Variants in VWA5B1 observed in about 807,000 individuals in gnomAD.
VWA5B1 encodes the protein von Willebrand factor A domain-containing protein 5B1.
A neutral mutation model predicts 118.2 loss-of-function variants in VWA5B1; 115 were observed. The ratio of observed to expected loss-of-function variants is 0.97; its 90% CI spans 0.84 to 1.14. VWA5B1 has a LOEUF of 1.14. VWA5B1 is among the 50% of genes most tolerant of loss of function. VWA5B1 has a pLI of 0.00. For missense variants in VWA5B1, 1,596 were observed against 1,603.8 expected (o/e 1.00, Z 0.08); for synonymous variants, 682 against 658.4 (o/e 1.04, Z -0.55).
At chr1:20,349,453 G>A (rs1043182239) in intron 18 of VWA5B1, among the ~76,000 whole-genome samples, 7 of 151,686 alleles carry the variant, frequency 4.6e-5, no homozygotes, top group Non-Finnish European at 2.9e-5. Flanking sequence ...GCACGATCTC[G>A]GCTCACTGCA....
At chr1:20,346,293 A>T (rs2090006507) in intron 17 of VWA5B1, among the ~76,000 whole-genome samples, 1 of 152,200 alleles carries the variant, frequency 6.6e-6, no homozygotes, top group African/African-American at 2.4e-5. Flanking sequence ...GAAGGAGCTG[A>T]GTTACTTTCC....
chr1:20,310,557 C>A lies in VWA5B1; in HGVS notation c.-26-19C>A. The A allele has an allele frequency of 6.8e-7, 1 of 1,471,558 alleles. No individual in the cohort carries two copies. Among genetic ancestry groups the A allele is most frequent in the Non-Finnish European group, 9.0e-7 (1 of 1,109,032 alleles). 91.2% of individuals were successfully genotyped at this position (1,471,558 alleles called of 1,614,324 possible). On this transcript the variant is annotated intron_variant, in intron 1 of 21. Coordinates refer to ENST00000289815, the MANE Select transcript of VWA5B1 (RefSeq NM_001039500.3). ...TGGGGGAGCCTCTTCCCACTTCCTGCCCTTCCTGTGTCTCACAGGTTCTGA... is the reference window on the plus strand; with the variant it reads ...TGGGGGAGCCTCTTCCCACTTCCTGACCTTCCTGTGTCTCACAGGTTCTGA...
Position 20,348,240 on chromosome 1 carries a change from C to T in VWA5B1, c.2765-5C>T, listed in dbSNP as rs1320945209. ...ACCACCCGCTTCCCCTTGTCTTCCGCGAAGGAGCTGCCCTGCGTATGCTTG... is the reference window on the plus strand; with the variant it reads ...ACCACCCGCTTCCCCTTGTCTTCCGTGAAGGAGCTGCCCTGCGTATGCTTG... On this transcript the variant is annotated splice_region_variant and splice_polypyrimidine_tract_variant and intron_variant, in intron 17 of 21. Coordinates refer to ENST00000289815, the MANE Select transcript of VWA5B1 (RefSeq NM_001039500.3). 17 of 1,551,278 alleles carry T rather than the reference C, an allele frequency of 1.1e-5. 1 individual carries two copies. Among genetic ancestry groups the T allele is most frequent in the South Asian group, 8.3e-5 (7 of 84,058 alleles).
chr1:20,358,102 G>T lies in VWA5B1; in HGVS notation c.*3839G>T, dbSNP rs533053938. Among the ~76,000 whole-genome samples, 33 of 152,226 alleles carry T rather than the reference G, an allele frequency of 2.2e-4. No homozygotes were observed. The highest frequency in any genetic ancestry group is 5.8e-4 in the African/African-American group (24 of 41,534). On this transcript the variant is annotated 3_prime_UTR_variant, in exon 22 of 22. Transcript: ENST00000289815. ...CATAAGCGGCCTCGGTTTCCAGCCG[G>T]CACCCATGTTTCCCCAGCCAGTCCC... is the stretch of plus-strand genomic sequence containing the variant.
chr1:20,337,790 C>T lies in VWA5B1; in HGVS notation c.2087C>T (p.Thr696Ile). The change falls in exon 14 of 22, where the codon ACC (threonine) becomes ATC (isoleucine). Residue 696 changes from threonine to isoleucine, a missense_variant. Transcript: ENST00000289815. ...CGGAAAGCCAGGCTGCAGGACCTCA[C>T]CAACCAGACCAGCCTGGATGTCCAG... is the stretch of plus-strand genomic sequence containing the variant. ...PLRKARLQDLTNQTSLDVQRW... is the reference protein window; with the variant it reads ...PLRKARLQDLINQTSLDVQRW... 6.4e-7 allele frequency: 1 copy of T among 1,551,804 alleles called. No individual in the cohort carries two copies. The highest frequency in any genetic ancestry group is 8.7e-7 in the Non-Finnish European group (1 of 1,147,024).
intron 20 of VWA5B1, among the ~76,000 whole-genome samples, 171 bp downstream of exon 20, chr1:20,351,097 C>T (rs1308480099): frequency 6.6e-6 from 1 of 152,164 alleles, no homozygotes; most frequent in Non-Finnish European, 1.5e-5. Context: ...CAGGTCTCAC[C>T]CTACCTCAAA....
intron 20 of VWA5B1, among the ~76,000 whole-genome samples, chr1:20,351,425 G>T (rs2090127353): frequency 6.6e-6 from 1 of 152,092 alleles, no homozygotes; most frequent in African/African-American, 2.4e-5. Context: ...AGGCCGAGAT[G>T]GGCAGATCAT....
intron 7 of VWA5B1, among the ~76,000 whole-genome samples, chr1:20,321,063 T>A (rs1317900264): frequency 7.9e-6 from 1 of 126,584 alleles, no homozygotes; most frequent in Non-Finnish European, 1.5e-5. Flanking sequence ...GTAGATCACA[T>A]AGAAGGGCAC....
intron 6 of VWA5B1, 59 bp downstream of exon 6, chr1:20,318,780 T>C: frequency 7.0e-7 from 1 of 1,437,652 alleles, no homozygotes; most frequent in South Asian, 1.5e-5. Context: ...GTGCTGATCC[T>C]GTGGGGACAG....
intron 1 of VWA5B1, among the ~76,000 whole-genome samples, chr1:20,299,440 G>T (rs532625490): frequency 6.6e-6 from 1 of 152,160 alleles, no homozygotes; most frequent in African/African-American, 2.4e-5. Context: ...GTCTCACTCT[G>T]TTGCCCAGCC....
At position 20,305,139 on chromosome 1, in the gene VWA5B1, G is replaced by A. The variant is rs563863426; in HGVS notation, c.-26-5437G>A. On this transcript the variant is annotated intron_variant, in intron 1 of 21. Transcript: ENST00000289815. Reference sequence around the variant, plus strand: ...AAGCAAGATATATATTATGTCAGATGGTGATAAGTGCTAAGGAAAAAAAAC... The same window carrying A: ...AAGCAAGATATATATTATGTCAGATAGTGATAAGTGCTAAGGAAAAAAAAC... Among the ~76,000 whole-genome samples, 6 of 150,016 alleles carry A rather than the reference G, an allele frequency of 4.0e-5. No individual in the cohort carries two copies. The East Asian group carries it at 9.7e-4, about 24-fold the overall frequency.
At chr1:20,299,507 G>A (rs896316086) in intron 1 of VWA5B1, among the ~76,000 whole-genome samples, 6 of 152,148 alleles carry the variant, frequency 3.9e-5, no homozygotes, top group South Asian at 2.1e-4. Context: ...AGGTTCAAGC[G>A]ATTCTCGTGC....
At chr1:20,305,487 G>A (rs2088623653) in intron 1 of VWA5B1, among the ~76,000 whole-genome samples, 1 of 152,070 alleles carries the variant, frequency 6.6e-6, no homozygotes, top group African/African-American at 2.4e-5. Flanking sequence ...ACAAGGATGG[G>A]ATAGCCAAAA....
At chr1:20,341,549 C>T (rs1441200623) in intron 14 of VWA5B1, among the ~76,000 whole-genome samples, 6 of 152,158 alleles carry the variant, frequency 3.9e-5, no homozygotes, top group Non-Finnish European at 8.8e-5. Flanking sequence ...TCAAATTTTT[C>T]GTGAGGCTGA....
Position 20,356,531 on chromosome 1 carries a change from A to G in VWA5B1, c.*2268A>G, listed in dbSNP as rs2090232873. On this transcript the variant is annotated 3_prime_UTR_variant, in exon 22 of 22. Transcript: ENST00000289815. ...GGGTCTCCAGGCCTCAGCCTGGACA[A>G]TGGCCAGGGCTTGAGGTGAACCGGT... Among the ~76,000 whole-genome samples the G allele has an allele frequency of 2.0e-5, 3 of 152,154 alleles. No homozygotes were observed. The highest frequency in any genetic ancestry group is 4.1e-4 in the South Asian group (2 of 4,824).
rs1468718715 is a variant in VWA5B1 at position 20,330,902 on chromosome 1, C to T, written c.1491C>T (p.Cys497=). 1 of 1,551,728 alleles carries T rather than the reference C, an allele frequency of 6.4e-7. No homozygotes were observed. Among genetic ancestry groups the T allele is most frequent in the Non-Finnish European group, 8.7e-7 (1 of 1,147,000 alleles). Residue 497 remains cysteine, a synonymous_variant, in exon 11 of 22, where the codon TGC becomes TGT. Transcript: ENST00000289815. ...GCTTTGGAATTGGACCCAACGTCTGCCACAGACTGGTGAAAGGACTGGCAT... is the reference window on the plus strand; with the variant it reads ...GCTTTGGAATTGGACCCAACGTCTGTCACAGACTGGTGAAAGGACTGGCAT... ...CYSFGIGPNV[C]HRLVKGLASV...
At chr1:20,340,704 A>G (rs1318084939) in intron 14 of VWA5B1, among the ~76,000 whole-genome samples, 1 of 152,242 alleles carries the variant, frequency 6.6e-6, no homozygotes. Flanking sequence ...AAAGTAATAC[A>G]TACTCAGTGT....
In VWA5B1 at chr1:20,330,151, G is replaced by A. The variant is rs771373919; in HGVS notation, c.1255-29G>A. The A allele has an allele frequency of 4.5e-6, 7 of 1,551,360 alleles. No individual in the cohort carries two copies. In the East Asian group the frequency reaches 1.5e-4, roughly 32 times the overall value. On this transcript the variant is annotated intron_variant, in intron 9 of 21. Transcript: ENST00000289815. ...GTCTAGAGTCTCTGTACCATACGGT[G>A]ACACTGGGGACTGTCTGCTTCTCTG...
intron 8 of VWA5B1, among the ~76,000 whole-genome samples, chr1:20,324,275 G>C (rs1413251071): frequency 6.6e-6 from 1 of 152,184 alleles, no homozygotes; most frequent in Admixed American, 6.5e-5. Context: ...GAATACATGG[G>C]AGCTTGGTCT....
Sources: gnomAD v4.1 joint callset for allele counts (sites outside exome capture counted in the v4.1 genomes callset) on GRCh38, gnomAD v4.1.1 for gene constraint, MANE v1.5 for transcripts, NCBI Gene and HGNC (gene_info 2026-07-23, HGNC 2026-07-21) for gene names.